The following TRIP13 variants were observed in gnomAD, a reference collection of about 807,000 sequenced individuals.
TRIP13 encodes pachytene checkpoint protein 2 homolog.
A neutral mutation model predicts 54.4 loss-of-function variants in TRIP13; 25 were observed. That is an observed-to-expected ratio of 0.46 (90% CI 0.33 to 0.64). The LOEUF is 0.64. Ranked by LOEUF, TRIP13 falls within the 30% of genes least tolerant of loss-of-function variation. The probability of loss-of-function intolerance (pLI) is 0.02; values close to 1 mark genes in which losing one functional copy is unlikely to be tolerated. For synonymous variants in TRIP13, 207 were observed against 207.8 expected (o/e 1.00, Z 0.03); for missense variants, 373 against 534.2 (o/e 0.70, Z 2.97).
In TRIP13 at chr5:912,215, G is replaced by A. The variant is rs1754249970; in HGVS notation, c.1020+219G>A. Among the ~76,000 whole-genome samples, 1 of 152,134 alleles carries A rather than the reference G, an allele frequency of 6.6e-6. No individual in the cohort carries two copies. Among genetic ancestry groups the A allele is most frequent in the Non-Finnish European group, 1.5e-5 (1 of 68,034 alleles). ...ATTTTTGTTCTTTTGGCACAATACA[G>A]TCATCATTGTTCATTATTTGAGGTA... On this transcript the variant is annotated intron_variant, in intron 10 of 12. Transcript: ENST00000166345. This position sits in a 1 kb window ranked among gnomAD's most constrained non-coding sequence, Gnocchi z 7.2.
intron 5 of TRIP13, 114 bp from the exon 6 acceptor site, chr5:904,031 CATT>C: frequency 3.4e-6 from 3 of 889,564 alleles, no homozygotes; most frequent in South Asian, 1.8e-5. Flanking sequence ...GTAGTAATAA[CATT>C]AATAGCTTTT....
Position 905,578 on chromosome 5 carries a change from G to A in TRIP13, c.608+1358G>A, listed in dbSNP as rs186077996. ...TGCCTGTGGTTGGAAGATGCCTCCCGGCAAGAAAGTTAGAGCATTTGTAGA... is the reference window on the plus strand; with the variant it reads ...TGCCTGTGGTTGGAAGATGCCTCCCAGCAAGAAAGTTAGAGCATTTGTAGA... On this transcript the variant is annotated intron_variant, in intron 6 of 12. Transcript: ENST00000166345. Among the ~76,000 whole-genome samples, 94 of 151,868 alleles carry A rather than the reference G, an allele frequency of 6.2e-4. 3 individuals carry two copies. The South Asian group carries it at 0.017, about 28-fold the overall frequency.
rs1235435956 is a variant in TRIP13, at chr5:911,932, T to C, written c.956T>C (p.Ile319Thr). 1.2e-6 allele frequency: 2 copies of C among 1,613,818 alleles called. No individual in the cohort carries two copies. The highest frequency in any genetic ancestry group is 1.7e-6 in the Non-Finnish European group (2 of 1,179,996). The change falls in exon 10 of 13, where the codon ATT becomes ACT. Residue 319 changes from isoleucine to threonine, a missense_variant. Physicochemically the swap from Ile to Thr is moderately conservative, Grantham distance 89 (BLOSUM62 -1). Transcript: ENST00000166345. The surrounding 1 kb of genome is among the most constrained non-coding windows in gnomAD (Gnocchi z 4.7). Reference sequence around the variant, plus strand: ...GACAGGGCTGACATCAAGCAGTACATTGGGCCACCCTCTGCAGCAGCCATC... The same window carrying C: ...GACAGGGCTGACATCAAGCAGTACACTGGGCCACCCTCTGCAGCAGCCATC... ...FVDRADIKQY[I>T]GPPSAAAIFK...
At position 894,871 on chromosome 5, in the gene TRIP13, T is replaced by C. The variant is rs1428715824; in HGVS notation, c.177T>C (p.Thr59=). The C allele has an allele frequency of 6.2e-7, 1 of 1,613,998 alleles. No homozygotes were observed. Among genetic ancestry groups the C allele is most frequent in the Admixed American group, 1.7e-5 (1 of 59,990 alleles). Residue 59 remains threonine, a synonymous_variant, in exon 2 of 13, where the codon ACT becomes ACC. Coordinates refer to ENST00000166345, the MANE Select transcript of TRIP13 (RefSeq NM_004237.4). ...TTGTGTTTGGTGATTACACATGGAC[T>C]GAGTTTGATGAACCTTTTTTGACCA... The part of the protein sequence containing the change: ...HNIVFGDYTW[T]EFDEPFLTRN...
intron 5 of TRIP13, among the ~76,000 whole-genome samples, chr5:902,779 G>T (rs1212679933): frequency 1.3e-5 from 2 of 152,204 alleles, no homozygotes; most frequent in African/African-American, 4.8e-5. Flanking sequence ...AGACAAAGGG[G>T]CAGGGTAAGG....
At position 908,550 on chromosome 5, in the gene TRIP13, A is replaced by T. The variant is rs1261190484; in HGVS notation, c.866+89A>T. ...TGATACTTGTGCAACCCTAGATCTT[A>T]GTGCCCAGCTCTTTCACCGGAAAGT... On this transcript the variant is annotated intron_variant, in intron 9 of 12. Transcript: ENST00000166345. This position sits in a 1 kb window ranked among gnomAD's most constrained non-coding sequence, Gnocchi z 5.2. 6.4e-7 allele frequency: 1 copy of T among 1,568,376 alleles called. No homozygotes were observed. The highest frequency in any genetic ancestry group is 8.6e-7 in the Non-Finnish European group (1 of 1,156,160).
chr5:902,069 T>C (rs1285664620), intron 5 of TRIP13, among the ~76,000 whole-genome samples: 1 of 152,244 alleles, frequency 6.6e-6, no homozygotes, highest in East Asian at 1.9e-4. Flanking sequence ...AAAGCTTAAC[T>C]TATAAATTAG....
intron 10 of TRIP13, 132 bp from the exon 11 acceptor site, chr5:914,333 C>T (rs147365807): frequency 7.8e-5 from 52 of 668,082 alleles, no homozygotes; most frequent in African/African-American, 6.6e-4. Flanking sequence ...CATCTTGAGT[C>T]GTCACCGTCT....
Position 907,852 on chromosome 5 carries a change from G to A in TRIP13, c.673-136G>A. 5.0e-6 allele frequency: 4 copies of A among 795,290 alleles called. No homozygotes were observed. The South Asian group carries it at 6.4e-5, about 13-fold the overall frequency. The allele number at this position is 795,290 out of a possible 1,614,324, so 49.3% of individuals were successfully genotyped here. A position where few individuals can be genotyped will look rare whatever the true frequency, so the allele number is the denominator to read the frequency against. On this transcript the variant is annotated intron_variant, in intron 7 of 12. Transcript: ENST00000166345. The surrounding 1 kb of genome is among the most constrained non-coding windows in gnomAD (Gnocchi z 4.1). The stretch of plus-strand genomic sequence containing the variant: ...ATGCTGCCCTAGCTTCTCTGATTTA[G>A]GGAGCTTTCTGAGGGGCCGTCAGGA...
chr5:893,190 C>T (rs1248493552), intron 1 of TRIP13, 100 bp downstream of exon 1: 1 of 1,212,010 alleles, frequency 8.3e-7, no homozygotes, highest in Non-Finnish European at 1.2e-6. Context: ...CTGATGCGAC[C>T]GAACCCCAGG....
chr5:894,488 T>A (rs1290315183), intron 1 of TRIP13, among the ~76,000 whole-genome samples: 2 of 152,216 alleles, frequency 1.3e-5, no homozygotes, highest in Admixed American at 1.3e-4. Context: ...ATGTGCCAGG[T>A]ATCGTCCTAA....
intron 3 of TRIP13, 73 bp downstream of exon 3, chr5:896,867 CAG>C: frequency 2.0e-6 from 3 of 1,481,440 alleles, no homozygotes; most frequent in Non-Finnish European, 2.7e-6. Context: ...TGTCAGTTCA[CAG>C]GGGGGGTTCT....
rs773948491 is a variant in TRIP13 at position 904,253 on chromosome 5, T to C, written c.608+33T>C. On this transcript the variant is annotated intron_variant, in intron 6 of 12. Coordinates refer to ENST00000166345, the MANE Select transcript of TRIP13 (RefSeq NM_004237.4). ...TCGGTAATCTGTGAGAGGAGAGCCA[T>C]GGGAATGGGATTTATAACGGGAGGT... The C allele has an allele frequency of 6.4e-6, 10 of 1,553,952 alleles. No homozygotes were observed. The Admixed American group carries it at 1.2e-4, about 19-fold the overall frequency.
At chr5:914,329 G>C (rs1754299488) in intron 10 of TRIP13, 136 bp from the exon 11 acceptor site, 1 of 662,176 alleles carries the variant, frequency 1.5e-6, no homozygotes, top group African/African-American at 1.8e-5. Context: ...TGTGCATCTT[G>C]AGTCGTCACC....
chr5:896,885 T>A, intron 3 of TRIP13, 91 bp downstream of exon 3: 1 of 1,404,376 alleles, frequency 7.1e-7, no homozygotes. Context: ...GTTCTGTTTG[T>A]CCATTTGTTT....
chr5:912,089 G>A lies in TRIP13; in HGVS notation c.1020+93G>A, dbSNP rs978602939. 8 of 1,465,112 alleles carry A rather than the reference G, an allele frequency of 5.5e-6. No homozygotes were observed. Among genetic ancestry groups the A allele is most frequent in the Non-Finnish European group, 5.5e-6 (6 of 1,094,454 alleles). The allele number at this position is 1,465,112 out of a possible 1,614,324, so 90.8% of individuals were successfully genotyped here. On this transcript the variant is annotated intron_variant, in intron 10 of 12. Transcript: ENST00000166345. This position sits in a 1 kb window ranked among gnomAD's most constrained non-coding sequence, Gnocchi z 7.2. ...GCTTAAAATAAGCTCGTTCCAGTAC[G>A]GAGGATTTCAACATATGCATTAACT...
intron 6 of TRIP13, among the ~76,000 whole-genome samples, chr5:906,294 T>A (rs940954203): frequency 9.2e-5 from 14 of 152,184 alleles, no homozygotes; most frequent in Admixed American, 9.2e-4. Flanking sequence ...TCTGGAAATA[T>A]GCATTGGTTT....
chr5:895,749 A>G (rs1468838387), intron 2 of TRIP13, among the ~76,000 whole-genome samples: 1 of 152,212 alleles, frequency 6.6e-6, no homozygotes, highest in African/African-American at 2.4e-5. Flanking sequence ...GGAAAGTTCT[A>G]ATGTTCTCTG....
rs1361798069 is a variant in TRIP13 at position 915,697 on chromosome 5, C to T, written c.1134-207C>T. The stretch of plus-strand genomic sequence containing the variant: ...GGAGCTGAGGATGGGGAGAGACCGG[C>T]CCCATACGAGAGGCCGGGGGCAAAG... On this transcript the variant is annotated intron_variant, in intron 11 of 12. Transcript: ENST00000166345. This position sits in a 1 kb window ranked among gnomAD's most constrained non-coding sequence, Gnocchi z 4.2. Among the ~76,000 whole-genome samples, 1 of 152,144 alleles carries T rather than the reference C, an allele frequency of 6.6e-6. No homozygotes were observed. The highest frequency in any genetic ancestry group is 1.5e-5 in the Non-Finnish European group (1 of 68,026).
Sources: gnomAD v4.1 joint callset for allele counts (sites outside exome capture counted in the v4.1 genomes callset) on GRCh38, gnomAD v4.1.1 for gene constraint, Gnocchi (gnomAD v3.1) non-coding constraint, MANE v1.5 for transcripts, NCBI Gene and HGNC (gene_info 2026-07-23, HGNC 2026-07-21) for gene names.